The following JADE3 variants were observed in gnomAD, a reference collection of about 807,000 sequenced individuals.
JADE3 encodes protein Jade-3.
A neutral mutation model predicts 50.1 loss-of-function variants in JADE3; 2 were observed. The observed-to-expected ratio is 0.04, with a 90% confidence interval of 0.02 to 0.13. The LOEUF (loss-of-function observed/expected upper bound fraction) is 0.13, where lower values mean the gene tolerates loss of function less well. Among genes scored for constraint, JADE3 ranks in the 10% least tolerant of loss-of-function variants. The pLI is 1.00. For missense variants in JADE3, 475 were observed against 634.4 expected (o/e 0.75, Z 2.70); for synonymous variants, 218 against 232.9 (o/e 0.94, Z 0.58).
chrX:46,944,525 C>G (rs1468263992), intron 1 of JADE3, among the ~76,000 whole-genome samples: 5 of 110,469 alleles, frequency 4.5e-5, no homozygotes, highest in Admixed American at 9.7e-5. Context: ...CCAGGCTGAT[C>G]TCGAACTCCT....
At chrX:46,988,495 T>C (rs1927913318) in intron 3 of JADE3, among the ~76,000 whole-genome samples, 1 of 111,527 alleles carries the variant, frequency 9.0e-6, no homozygotes, top group Admixed American at 9.6e-5. Context: ...TAGTAAACAT[T>C]TGTTGAAACT....
At chrX:46,997,478 A>G (rs1928157376) in intron 3 of JADE3, among the ~76,000 whole-genome samples, 1 of 112,282 alleles carries the variant, frequency 8.9e-6, no homozygotes, top group Non-Finnish European at 1.9e-5. Context: ...AAGTCACGCT[A>G]TCGCACTCCA....
At chrX:46,936,545 AT>A (rs1179389744) in intron 1 of JADE3, among the ~76,000 whole-genome samples, 12 of 107,640 alleles carry the variant, frequency 1.1e-4, no homozygotes, top group South Asian at 3.9e-4. Context: ...GATCTTGTAG[AT>A]TTTTTTTTTA....
intron 5 of JADE3, among the ~76,000 whole-genome samples, chrX:47,026,037 C>T (rs1233534198): frequency 9.0e-6 from 1 of 111,437 alleles, no homozygotes; most frequent in Non-Finnish European, 1.9e-5. Context: ...TATGTCTTTT[C>T]TTGCTCTGCC....
intron 1 of JADE3, among the ~76,000 whole-genome samples, chrX:46,936,881 G>A (rs1926635918): frequency 1.8e-5 from 2 of 111,145 alleles, no homozygotes; most frequent in Non-Finnish European, 3.8e-5. Flanking sequence ...TATCAATTTT[G>A]TTGATCTTTT....
intron 1 of JADE3, among the ~76,000 whole-genome samples, chrX:46,946,735 T>C (rs1926891447): frequency 8.9e-6 from 1 of 112,411 alleles, no homozygotes; most frequent in African/African-American, 3.2e-5. Flanking sequence ...AGTGACATCA[T>C]CTTAGTAGCT....
At chrX:46,945,249 A>G (rs1334754779) in intron 1 of JADE3, among the ~76,000 whole-genome samples, 1 of 110,702 alleles carries the variant, frequency 9.0e-6, no homozygotes, top group Non-Finnish European at 1.9e-5. Flanking sequence ...CAGAGTCTGG[A>G]TGATAGTCAC....
chrX:46,950,520 G>C (rs946036259), intron 1 of JADE3, among the ~76,000 whole-genome samples: 2 of 111,944 alleles, frequency 1.8e-5, no homozygotes, highest in African/African-American at 6.5e-5. Flanking sequence ...GTACCACATC[G>C]TGGTTATTCC....
intron 1 of JADE3, among the ~76,000 whole-genome samples, chrX:46,965,040 A>G (rs782210798): frequency 1.8e-5 from 2 of 112,272 alleles, no homozygotes; most frequent in Non-Finnish European, 3.8e-5. Flanking sequence ...AAAGTAAAAA[A>G]TTAGACATAT....
At chrX:46,948,574 G>C (rs1556344064) in intron 1 of JADE3, among the ~76,000 whole-genome samples, 1 of 112,179 alleles carries the variant, frequency 8.9e-6, no homozygotes, top group African/African-American at 3.2e-5. Flanking sequence ...TGTAGAGAGA[G>C]AATGCAAAGA....
rs185659565 is a variant in JADE3, at chrX:47,061,025, A to G, written c.*1948A>G. ...GGAAATATAGTTGTAATATTTTTAC[A>G]GGATATTCCTAGGTAAATGAAGGAG... On this transcript the variant is annotated 3_prime_UTR_variant, in exon 11 of 11. Coordinates refer to ENST00000614628, the MANE Select transcript of JADE3 (RefSeq NM_014735.5). 803 of 112,268 alleles carry G rather than the reference A, an allele frequency of 7.2e-3. 6 individuals carry two copies. Among genetic ancestry groups the G allele is most frequent in the Admixed American group, 0.012 (130 of 10,523 alleles). The allele number at this position is 112,268 out of a possible 1,213,427, so 9.3% of individuals were successfully genotyped here.
chrX:46,971,903 C>T, intron 1 of JADE3, among the ~76,000 whole-genome samples: 1 of 109,984 alleles, frequency 9.1e-6, no homozygotes, highest in East Asian at 2.8e-4. Context: ...AGGTCTATAG[C>T]AGCCAAACAG....
intron 1 of JADE3, among the ~76,000 whole-genome samples, chrX:46,969,272 C>T (rs1188553217): frequency 2.7e-5 from 3 of 109,935 alleles, no homozygotes; most frequent in East Asian, 2.9e-4. Context: ...AAAAATCAGC[C>T]GGGCGTGGTG....
At chrX:46,976,264 C>G (rs782753671) in intron 1 of JADE3, among the ~76,000 whole-genome samples, 1 of 111,394 alleles carries the variant, frequency 9.0e-6, no homozygotes, top group Non-Finnish European at 1.9e-5. Context: ...CATGTTCTTC[C>G]GTGGGAATAT....
At chrX:47,021,611 T>G (rs1928794896) in intron 4 of JADE3, among the ~76,000 whole-genome samples, 1 of 112,082 alleles carries the variant, frequency 8.9e-6, no homozygotes, top group Non-Finnish European at 1.9e-5. Context: ...TATTTTCAAT[T>G]TTTGGACAGT....
Position 47,058,494 on chromosome X carries a change from G to C in JADE3, c.1889G>C (p.Cys630Ser). 1 of 1,211,135 alleles carries C rather than the reference G, an allele frequency of 8.3e-7. No individual in the cohort carries two copies. Among genetic ancestry groups the C allele is most frequent in the South Asian group, 1.8e-5 (1 of 56,945 alleles). Residue 630 changes from cysteine to serine, a missense_variant, in exon 11 of 11, where the codon TGC (cysteine) becomes TCC (serine). This residue lies in a region of JADE3 where 243 missense variants were observed against 238.2 expected (regional missense o/e 1.02). Transcript: ENST00000614628. Reference protein sequence around the residue: ...SPAWRTPSSECYHGQSLGKPL... With the variant: ...SPAWRTPSSESYHGQSLGKPL... ...GCTTGGAGAACCCCGTCCTCGGAGT[G>C]CTATCATGGGCAGTCACTGGGAAAG...
intron 1 of JADE3, among the ~76,000 whole-genome samples, chrX:46,923,393 C>CTCTTTTTTTTTT (rs1556338199): frequency 8.7e-5 from 1 of 11,522 alleles, no homozygotes; most frequent in African/African-American, 2.0e-4. Context: ...CTCTCTCTCT[C>CTCTTTTTTTTTT]TTTTTTTTTT....
rs1391782886 is a variant in JADE3, at chrX:46,926,968, T to C, written c.-12+14249T>C. 6.2e-5 allele frequency among the ~76,000 whole-genome samples: 7 copies of C among 112,467 alleles called. No homozygotes were observed. In the Admixed American group the frequency reaches 6.6e-4, roughly 11 times the overall value. On this transcript the variant is annotated intron_variant, in intron 1 of 10. Transcript: ENST00000614628. ...TGAGTAGAGCCGCTATAAAAATTCA[T>C]GTACATGTGTTTGTGTGCATATAAG...
At chrX:46,957,580 A>G (rs1927162590) in intron 1 of JADE3, among the ~76,000 whole-genome samples, 1 of 112,195 alleles carries the variant, frequency 8.9e-6, no homozygotes, top group South Asian at 3.7e-4. Context: ...GATTTGCCAC[A>G]TTCCATTCCC....
Sources: allele counts gnomAD v4.1 joint callset (sites outside exome capture counted in the v4.1 genomes callset), GRCh38; gene constraint gnomAD v4.1.1; regional missense constraint gnomAD v4.1.1; transcripts MANE v1.5; gene names NCBI Gene and HGNC (gene_info 2026-07-23, HGNC 2026-07-21).